Variants in ZFP69B observed in about 807,000 individuals in gnomAD.
ZFP69B encodes the protein ZFP69 zinc finger protein B, also known as zinc finger protein 69 homolog B.
Under a neutral mutation model 19.7 loss-of-function variants are expected in ZFP69B, and 20 were observed. That is an observed-to-expected ratio of 1.02 (90% CI 0.71 to 1.48). ZFP69B has a LOEUF of 1.48. Ranked by LOEUF, ZFP69B falls within the 40% of genes most tolerant of loss-of-function variation. The pLI, the probability that ZFP69B is intolerant of heterozygous loss-of-function variation, is 0.00. For synonymous variants in ZFP69B, 220 were observed against 222.7 expected (o/e 0.99, Z 0.11); for missense variants, 583 against 632.6 (o/e 0.92, Z 0.84).
At chr1:40,452,854 C>A (rs1007142959) in intron 1 of ZFP69B, among the ~76,000 whole-genome samples, 1 of 151,506 alleles carries the variant, frequency 6.6e-6, no homozygotes, top group Non-Finnish European at 1.5e-5. Context: ...ATAGGTAAAG[C>A]AAATATGGTA....
chr1:40,455,375 T>G (rs140253825), intron 2 of ZFP69B, among the ~76,000 whole-genome samples: 67 of 152,330 alleles, frequency 4.4e-4, no homozygotes, highest in African/African-American at 1.6e-3. Flanking sequence ...ATCATGTGTT[T>G]AAATCATAGG....
intron 4 of ZFP69B, among the ~76,000 whole-genome samples, chr1:40,458,711 G>A (rs888253922): frequency 4.6e-5 from 7 of 151,922 alleles, no homozygotes; most frequent in Non-Finnish European, 7.4e-5. Flanking sequence ...GTAGAGACGG[G>A]GTTTCGCTAT....
At chr1:40,454,095 G>A in intron 1 of ZFP69B, 108 bp from the exon 2 acceptor site, 1 of 710,918 alleles carries the variant, frequency 1.4e-6, no homozygotes, top group Non-Finnish European at 2.1e-6. Context: ...AAATGTCCCT[G>A]TTTGTGAACG....
chr1:40,459,876 G>A (rs1419821465), intron 4 of ZFP69B, among the ~76,000 whole-genome samples: 6 of 152,088 alleles, frequency 3.9e-5, no homozygotes, highest in Non-Finnish European at 2.9e-5. Context: ...TTGTGAACAG[G>A]AAGTATTGGT....
chr1:40,450,816 G>C lies in ZFP69B; in HGVS notation c.-146G>C. 1 of 859,712 alleles carries C rather than the reference G, an allele frequency of 1.2e-6. No homozygotes were observed. Among genetic ancestry groups the C allele is most frequent in the Non-Finnish European group, 1.6e-6 (1 of 628,044 alleles). 53.3% of individuals were successfully genotyped at this position (859,712 alleles called of 1,614,324 possible). ...TATGTTCCCTGGGTTCCTGAGAGAGGACATTGAGGAGTAGGAGTCGGCGAT... is the reference window on the plus strand; with the variant it reads ...TATGTTCCCTGGGTTCCTGAGAGAGCACATTGAGGAGTAGGAGTCGGCGAT... On this transcript the variant is annotated 5_prime_UTR_variant, in exon 1 of 5. Coordinates refer to ENST00000361584, the MANE Select transcript of ZFP69B (RefSeq NM_023070.3).
At chr1:40,455,959 G>A (rs2124417087) in intron 2 of ZFP69B, among the ~76,000 whole-genome samples, 1 of 152,300 alleles carries the variant, frequency 6.6e-6, no homozygotes, top group South Asian at 2.1e-4. Flanking sequence ...TGGCTGCATA[G>A]TATTCCATGG....
At chr1:40,451,205 AGTT>A (rs1343976813) in intron 1 of ZFP69B, 117 bp downstream of exon 1, 5 of 1,296,084 alleles carry the variant, frequency 3.9e-6, no homozygotes, top group Admixed American at 3.4e-5. Flanking sequence ...GGGTTTCCGG[AGTT>A]GTTGATTGTG....
At chr1:40,459,125 G>A (rs1248951792) in intron 4 of ZFP69B, among the ~76,000 whole-genome samples, 1 of 152,108 alleles carries the variant, frequency 6.6e-6, no homozygotes, top group African/African-American at 2.4e-5. Context: ...CCAAAATCGG[G>A]GTGAACAGAG....
intron 1 of ZFP69B, 98 bp downstream of exon 1, chr1:40,451,186 G>C: frequency 7.4e-7 from 1 of 1,353,954 alleles, no homozygotes; most frequent in South Asian, 1.8e-5. Flanking sequence ...AGGGAGACGA[G>C]TGGGTGGAGG....
rs747274051 is a variant in ZFP69B at position 40,457,232 on chromosome 1, TTCTAC to T, written c.341-103_341-99del. The T allele has an allele frequency of 8.1e-6, 12 of 1,483,992 alleles. No individual in the cohort carries two copies. In the Middle Eastern group the frequency reaches 6.8e-4, roughly 84 times the overall value. 91.9% of individuals were successfully genotyped at this position (1,483,992 alleles called of 1,614,324 possible). ...GCTATGCTCTTTTCTGCTCTGTTCT[TTCTAC>T]TCTACTCTGCTTTCTTTAGAAGGCC... On this transcript the variant is annotated intron_variant, in intron 3 of 4. Transcript: ENST00000361584.
At position 40,457,429 on chromosome 1, in the gene ZFP69B, T is replaced by C. The variant is rs1270529574; in HGVS notation, c.426T>C (p.Val142=). ...PWLMERDISG[V]PSSDLKSKTK... ...TGATGGAGAGAGATATTTCAGGAGT[T>C]CCAAGTTCAGGTAAGTGCAAGGCAG... Residue 142 remains valine (V), a synonymous_variant, in exon 4 of 5, where the codon GTT becomes GTC. Transcript: ENST00000361584. The C allele has an allele frequency of 1.2e-6, 2 of 1,614,108 alleles. No homozygotes were observed. Among genetic ancestry groups the C allele is most frequent in the East Asian group, 2.2e-5 (1 of 44,888 alleles).
Position 40,462,130 on chromosome 1 carries a change from G to T in ZFP69B, c.437-291G>T, listed in dbSNP as rs114500990. 1.3e-5 allele frequency among the ~76,000 whole-genome samples: 2 copies of T among 152,160 alleles called. 1 individual carries two copies. The highest frequency in any genetic ancestry group is 4.8e-5 in the African/African-American group (2 of 41,514). On this transcript the variant is annotated intron_variant, in intron 4 of 4. Coordinates refer to ENST00000361584, the MANE Select transcript of ZFP69B (RefSeq NM_023070.3). ...AGACAGGGTCCCTTTATGTTGCCCAGGCTGGTCTCGAACTCCTGGGCTCAA... is the reference window on the plus strand; with the variant it reads ...AGACAGGGTCCCTTTATGTTGCCCATGCTGGTCTCGAACTCCTGGGCTCAA...
chr1:40,462,854 G>C lies in ZFP69B; in HGVS notation c.870G>C (p.Gln290His). The stretch of plus-strand genomic sequence containing the variant: ...ATATTTGTGAAAAAATCTTCAAACA[G>C]CTTATTCACCTTACTGAACACATGA... ...ECNICEKIFK[Q>H]LIHLTEHMRI... Residue 290 changes from glutamine (Q) to histidine (H), a missense_variant, in exon 5 of 5, where the codon CAG becomes CAC. Transcript: ENST00000361584. 2 of 1,614,092 alleles carry C rather than the reference G, an allele frequency of 1.2e-6. No individual in the cohort carries two copies. The highest frequency in any genetic ancestry group is 1.7e-6 in the Non-Finnish European group (2 of 1,180,028).
At chr1:40,461,576 C>CT (rs1645285753) in intron 4 of ZFP69B, among the ~76,000 whole-genome samples, 1 of 152,048 alleles carries the variant, frequency 6.6e-6, no homozygotes, top group South Asian at 2.1e-4. Context: ...AGGTGGATTG[C>CT]TTGAGCTCAG....
intron 1 of ZFP69B, among the ~76,000 whole-genome samples, chr1:40,452,286 A>G (rs1645193568): frequency 6.6e-6 from 1 of 152,228 alleles, no homozygotes; most frequent in Non-Finnish European, 1.5e-5. Flanking sequence ...TAATTTTCCA[A>G]TAGTGAGGTG....
chr1:40,462,732 G>A lies in ZFP69B; in HGVS notation c.748G>A (p.Asp250Asn). ...PGPIGLPRKR[D>N]RKYDTPGKRS... ...ACCAATAGGTCTTCCAAGAAAAAGA[G>A]ATCGTAAATATGACACACCTGGAAA... Residue 250 changes from aspartate to asparagine, a missense_variant, in exon 5 of 5, where the codon GAT becomes AAT. Asp to Asn is a conservative substitution (Grantham distance 23). Transcript: ENST00000361584. 1 of 1,614,118 alleles carries A rather than the reference G, an allele frequency of 6.2e-7. No homozygotes were observed. Among genetic ancestry groups the A allele is most frequent in the Non-Finnish European group, 8.5e-7 (1 of 1,180,000 alleles).
intron 2 of ZFP69B, among the ~76,000 whole-genome samples, chr1:40,455,148 A>G (rs1436306323): frequency 6.6e-6 from 1 of 152,202 alleles, no homozygotes; most frequent in Non-Finnish European, 1.5e-5. Context: ...CTAAGCAGAA[A>G]AGGAAGGAAA....
At chr1:40,455,226 G>A (rs1415696876) in intron 2 of ZFP69B, among the ~76,000 whole-genome samples, 2 of 152,162 alleles carry the variant, frequency 1.3e-5, no homozygotes, top group Non-Finnish European at 2.9e-5. Context: ...TGATAGCATT[G>A]GCAAAGCTCT....
chr1:40,462,768 TACAACA>T lies in ZFP69B; in HGVS notation c.785_790del (p.Tyr262_Ile264delinsLeu). The T allele has an allele frequency of 6.2e-7, 1 of 1,613,912 alleles. No individual in the cohort carries two copies. The highest frequency in any genetic ancestry group is 8.5e-7 in the Non-Finnish European group (1 of 1,179,954). On this transcript the variant is annotated inframe_deletion, in exon 5 of 5. Transcript: ENST00000361584. ...TGACACACCTGGAAAGAGAAGCAGA[TACAACA>T]TAGATTTAGTTAATCATTCAAGGAG...
Sources: allele counts gnomAD v4.1 joint callset (sites outside exome capture counted in the v4.1 genomes callset), GRCh38; gene constraint gnomAD v4.1.1; transcripts MANE v1.5; gene names NCBI Gene and HGNC (gene_info 2026-07-23, HGNC 2026-07-21).